Variants in IFT74 observed in about 807,000 individuals in gnomAD.
IFT74 encodes the protein intraflagellar transport protein 74 homolog.
In IFT74, 92 loss-of-function variants were observed where a neutral mutation model predicts 96.7. The observed-to-expected ratio is 0.95, with a 90% CI of 0.80 to 1.13. The LOEUF (loss-of-function observed/expected upper bound fraction) is 1.13, where lower values mean the gene tolerates loss of function less well. Ranked by LOEUF, IFT74 falls within the 50% of genes most tolerant of loss-of-function variation. IFT74 has a pLI of 0.00. For missense variants in IFT74, 811 were observed against 698.2 expected (o/e 1.16, Z -1.82); for synonymous variants, 223 against 213.2 (o/e 1.05, Z -0.40).
chr9:26,996,630 T>A lies in IFT74; in HGVS notation c.587+6435T>A, dbSNP rs1324126392. ...GCATTATAAGAAATTCCTGTTGTAT[T>A]TGTCTAGCAACATAATGAAAGAATG... is the stretch of plus-strand genomic sequence containing the variant. On this transcript the variant is annotated intron_variant, in intron 8 of 19. Transcript: ENST00000380062. 3 of 531,146 alleles carry A rather than the reference T, an allele frequency of 5.6e-6. No individual in the cohort carries two copies. The Admixed American group carries it at 1.2e-4, about 22-fold the overall frequency. The allele number at this position is 531,146 out of a possible 1,614,324, so 32.9% of individuals were successfully genotyped here. A position where few individuals can be genotyped will look rare whatever the true frequency, so the allele number is the denominator to read the frequency against.
At chr9:26,996,636 A>T (rs1386108682) in intron 8 of IFT74, 1 of 506,862 alleles carries the variant, frequency 2.0e-6, no homozygotes, top group Non-Finnish European at 3.2e-6. Context: ...GTATTTGTCT[A>T]GCAACATAAT....
At chr9:27,045,498 C>T (rs986243329) in intron 14 of IFT74, among the ~76,000 whole-genome samples, 1 of 151,856 alleles carries the variant, frequency 6.6e-6, no homozygotes, top group Non-Finnish European at 1.5e-5. Flanking sequence ...GTTTATTAGC[C>T]CTCACATCAG....
intron 12 of IFT74, among the ~76,000 whole-genome samples, chr9:27,025,253 G>T (rs1829804073): frequency 6.6e-6 from 1 of 151,828 alleles, no homozygotes; most frequent in South Asian, 2.1e-4. Context: ...GAGCAGCCTG[G>T]CCAATAAGGT....
intron 13 of IFT74, among the ~76,000 whole-genome samples, chr9:27,038,949 C>T (rs1587399364): frequency 6.6e-6 from 1 of 152,150 alleles, no homozygotes; most frequent in Admixed American, 6.5e-5. Context: ...ATGTTCCCAA[C>T]TAAAGCCGTC....
chr9:26,965,176 A>G (rs902574527), intron 2 of IFT74, among the ~76,000 whole-genome samples: 4 of 152,216 alleles, frequency 2.6e-5, no homozygotes, highest in African/African-American at 7.2e-5. Flanking sequence ...TCAATTTAAC[A>G]TAGAAAACAT....
chr9:27,008,828 T>A (rs1828912980), intron 8 of IFT74, among the ~76,000 whole-genome samples, 192 bp from the exon 9 acceptor site: 1 of 152,094 alleles, frequency 6.6e-6, no homozygotes, highest in African/African-American at 2.4e-5. Context: ...TAAAAATAAG[T>A]TTGTGCTAAT....
intron 8 of IFT74, among the ~76,000 whole-genome samples, chr9:26,997,056 C>G (rs10967651): frequency 0.093 from 14,098 of 151,620 alleles, 1,679 homozygotes; most frequent in East Asian, 0.65. Context: ...ACTAAAAATA[C>G]AAAAAATTAG....
chr9:26,987,966 T>G (rs577149768), intron 6 of IFT74, among the ~76,000 whole-genome samples: 5 of 152,086 alleles, frequency 3.3e-5, no homozygotes, highest in South Asian at 4.1e-4. Flanking sequence ...TGTTGTTGTT[T>G]TTTGAGACGG....
rs748190081 is a variant in IFT74, at chr9:27,047,336, G to C, written c.1171G>C (p.Ala391Pro). Reference sequence around the variant, plus strand: ...ACTGAAACGAAAGGCACAGATAGAAGCCAACATTGTTGCACTCTTGGAGCA... The same window carrying C: ...ACTGAAACGAAAGGCACAGATAGAACCCAACATTGTTGCACTCTTGGAGCA... ...QELKRKAQIE[A>P]NIVALLEHCS... The change falls in exon 15 of 20, where the codon GCC becomes CCC. Residue 391 changes from alanine to proline, a missense_variant. Coordinates refer to ENST00000380062, the MANE Select transcript of IFT74 (RefSeq NM_025103.4). 3 of 1,613,238 alleles carry C rather than the reference G, an allele frequency of 1.9e-6. No individual in the cohort carries two copies. The highest frequency in any genetic ancestry group is 2.5e-6 in the Non-Finnish European group (3 of 1,179,350).
chr9:26,966,392 C>T (rs1035265413), intron 2 of IFT74, among the ~76,000 whole-genome samples: 6 of 151,874 alleles, frequency 4.0e-5, no homozygotes, highest in African/African-American at 1.5e-4. Flanking sequence ...TGATATCTCA[C>T]TGTAGTTTTG....
chr9:26,984,230 C>T, intron 4 of IFT74, 27 bp from the exon 5 acceptor site: 1 of 1,520,852 alleles, frequency 6.6e-7, no homozygotes. Flanking sequence ...AAAAGTATTG[C>T]TGACATTCTT....
chr9:27,047,185 C>A, intron 14 of IFT74, 89 bp from the exon 15 acceptor site: 1 of 749,772 alleles, frequency 1.3e-6, no homozygotes, highest in Non-Finnish European at 2.1e-6. Flanking sequence ...AAAGAAAATT[C>A]TAAAAAGCAC....
At chr9:26,993,649 A>C (rs1418653311) in intron 8 of IFT74, 1 of 152,360 alleles carries the variant, frequency 6.6e-6, no homozygotes. Flanking sequence ...AGTACATACA[A>C]ATTTTTAAAA....
intron 12 of IFT74, among the ~76,000 whole-genome samples, chr9:27,019,539 A>G (rs911320302): frequency 1.3e-5 from 2 of 151,682 alleles, no homozygotes; most frequent in African/African-American, 4.8e-5. Context: ...CAAATGGAAT[A>G]TTATTTGGAA....
chr9:27,055,259 T>TC (rs1239083006), intron 16 of IFT74, among the ~76,000 whole-genome samples: 5 of 152,158 alleles, frequency 3.3e-5, no homozygotes, highest in Non-Finnish European at 7.4e-5. Flanking sequence ...CTTGGTTTTT[T>TC]CCCTACATAA....
Position 26,995,714 on chromosome 9 carries a change from C to T in IFT74, c.587+5519C>T, listed in dbSNP as rs771490359. On this transcript the variant is annotated intron_variant, in intron 8 of 19. Coordinates refer to ENST00000380062, the MANE Select transcript of IFT74 (RefSeq NM_025103.4). ...GGTTTCTGCTTCATGCTCTTCCAGG[C>T]GATGATGATTATAACTAAGCAGAAT... is the stretch of plus-strand genomic sequence containing the variant. 1.2e-5 allele frequency: 20 copies of T among 1,613,588 alleles called. No individual in the cohort carries two copies. Among genetic ancestry groups the T allele is most frequent in the African/African-American group, 5.3e-5 (4 of 74,850 alleles).
rs1334193252 is a variant in IFT74, at chr9:26,990,196, G to A, written c.587+1G>A. 6 of 1,409,578 alleles carry A rather than the reference G, an allele frequency of 4.3e-6. No individual in the cohort carries two copies. The highest frequency in any genetic ancestry group is 2.6e-5 in the East Asian group (1 of 38,054). 87.3% of individuals were successfully genotyped at this position (1,409,578 alleles called of 1,614,324 possible). On this transcript the variant is annotated splice_donor_variant, in intron 8 of 19. Coordinates refer to ENST00000380062, the MANE Select transcript of IFT74 (RefSeq NM_025103.4). LOFTEE classifies it high-confidence loss of function. ...ATGTCATATTTACTGAAAGACAAGC[G>A]TAAGTATAGCTAATTTAAAAATTAG...
At chr9:27,042,881 A>G (rs1398979266) in intron 13 of IFT74, among the ~76,000 whole-genome samples, 1 of 152,184 alleles carries the variant, frequency 6.6e-6, no homozygotes, top group Non-Finnish European at 1.5e-5. Flanking sequence ...ATCCCAGATC[A>G]TGTGTGCTGC....
intron 4 of IFT74, 129 bp from the exon 5 acceptor site, chr9:26,984,128 G>T (rs914159661): frequency 6.9e-6 from 5 of 723,768 alleles, no homozygotes; most frequent in Non-Finnish European, 8.3e-6. Context: ...TAAACTTTCT[G>T]CATTCTTTTA....
Sources: gnomAD v4.1 joint callset for allele counts (sites outside exome capture counted in the v4.1 genomes callset) on GRCh38, gnomAD v4.1.1 for gene constraint, MANE v1.5 for transcripts, NCBI Gene and HGNC (gene_info 2026-07-23, HGNC 2026-07-21) for gene names.